IL20RA: variants seen among roughly 807,000 people sequenced by gnomAD.
The protein encoded by IL20RA is interleukin-20 receptor subunit alpha.
Under a neutral mutation model 36.5 loss-of-function variants are expected in IL20RA, and 29 were observed. The observed-to-expected ratio is 0.79, with a 90% confidence interval of 0.59 to 1.08. The LOEUF (loss-of-function observed/expected upper bound fraction) is 1.08, where lower values mean the gene tolerates loss of function less well. IL20RA is among the 50% of genes least tolerant of loss of function. The pLI, the probability that IL20RA is intolerant of heterozygous loss-of-function variation, is 0.00. For synonymous variants in IL20RA, 279 were observed against 267.1 expected, an observed-to-expected ratio of 1.04 and a Z score of -0.43; for missense variants, 652 against 668.4, an observed-to-expected ratio of 0.98 and a Z score of 0.27.
intron 1 of IL20RA, among the ~76,000 whole-genome samples, chr6:137,020,795 A>T (rs1412844965): frequency 6.6e-6 from 1 of 152,192 alleles, no homozygotes; most frequent in Non-Finnish European, 1.5e-5. Context: ...TATTTTGTAC[A>T]CTGCATCTGG....
At chr6:137,042,678 T>C (rs1000624953) in intron 1 of IL20RA, 6 of 152,204 alleles carry the variant, frequency 3.9e-5, no homozygotes, top group Admixed American at 3.9e-4. Context: ...TGAGTTTTTT[T>C]TTTCCTCTTT....
intron 3 of IL20RA, among the ~76,000 whole-genome samples, chr6:137,010,975 G>A (rs1039669899): frequency 1.3e-5 from 2 of 152,084 alleles, no homozygotes; most frequent in African/African-American, 4.8e-5. Context: ...GGTGGCTTAT[G>A]CCTGTAACCC....
chr6:137,002,502 A>G lies in IL20RA; in HGVS notation c.865-147T>C, dbSNP rs541314488. On this transcript the variant is annotated intron_variant, in intron 6 of 6. Coordinates refer to ENST00000316649, the MANE Select transcript of IL20RA (RefSeq NM_014432.4). Reference sequence around the variant, plus strand: ...AATGAAAGTTATGCTTGCAATATACAGAAAACCTCACTCACTGGGAGGCAA... The same window carrying G: ...AATGAAAGTTATGCTTGCAATATACGGAAAACCTCACTCACTGGGAGGCAA... 1.1e-4 allele frequency: 71 copies of G among 623,012 alleles called. No individual in the cohort carries two copies. The African/African-American group carries it at 1.1e-3, about 10-fold the overall frequency. 38.6% of individuals were successfully genotyped at this position (623,012 alleles called of 1,614,324 possible). A position where few individuals can be genotyped will look rare whatever the true frequency, so the allele number is the denominator to read the frequency against.
intron 5 of IL20RA, among the ~76,000 whole-genome samples, chr6:137,006,348 C>G (rs1366999094): frequency 6.6e-6 from 1 of 152,146 alleles, no homozygotes; most frequent in Non-Finnish European, 1.5e-5. Flanking sequence ...TGCTGTGATG[C>G]GGATGCTGCG....
chr6:137,009,351 T>C lies in IL20RA; in HGVS notation c.545A>G (p.Asn182Ser). 1.2e-6 allele frequency: 2 copies of C among 1,613,608 alleles called. No individual in the cohort carries two copies. The highest frequency in any genetic ancestry group is 1.7e-6 in the Non-Finnish European group (2 of 1,179,560). ...TGATTTAGTATTCAACACAGACACG[T>C]TATACTTCAGATTGGAGTATATTTG... ...MQQIYSNLKYNVSVLNTKSNR... is the reference protein window; with the variant it reads ...MQQIYSNLKYSVSVLNTKSNR... Residue 182 changes from asparagine to serine, a missense_variant, in exon 4 of 7, where the codon AAC (asparagine) becomes AGC (serine). Coordinates refer to ENST00000316649, the MANE Select transcript of IL20RA (RefSeq NM_014432.4).
intron 1 of IL20RA, among the ~76,000 whole-genome samples, chr6:137,019,683 G>T (rs1775830686): frequency 6.6e-6 from 1 of 152,128 alleles, no homozygotes; most frequent in Non-Finnish European, 1.5e-5. Context: ...CTTTGTAATT[G>T]TCTAAATGGT....
intron 5 of IL20RA, among the ~76,000 whole-genome samples, chr6:137,005,471 C>T (rs1775245983): frequency 6.6e-6 from 1 of 152,170 alleles, no homozygotes; most frequent in Non-Finnish European, 1.5e-5. Context: ...CCCTGGCCCA[C>T]ACCATTAATC....
Position 137,044,343 on chromosome 6 carries a change from G to A in IL20RA, c.88+298C>T, listed in dbSNP as rs1027217305. On this transcript the variant is annotated intron_variant, in intron 1 of 6. Transcript: ENST00000316649. ...TCATAGGCTGTGGGCACCGCGCAGA[G>A]CGCACCCCCCACCGAACTCCCCCCA... 26 of 1,065,552 alleles carry A rather than the reference G, an allele frequency of 2.4e-5. No homozygotes were observed. In the African/African-American group the frequency reaches 3.8e-4, roughly 16 times the overall value. The allele number at this position is 1,065,552 out of a possible 1,614,324, so 66.0% of individuals were successfully genotyped here.
intron 1 of IL20RA, among the ~76,000 whole-genome samples, chr6:137,041,809 T>C (rs1464701983): frequency 7.2e-6 from 1 of 139,760 alleles, no homozygotes; most frequent in Non-Finnish European, 1.6e-5. Context: ...CTGTTATTTT[T>C]TTTTAAATAT....
rs975112431 is a variant in IL20RA, at chr6:137,011,359, G to A, written c.318C>T (p.His106=). 1.2e-6 allele frequency: 2 copies of A among 1,613,510 alleles called. No individual in the cohort carries two copies. The highest frequency in any genetic ancestry group is 1.7e-6 in the Non-Finnish European group (2 of 1,179,468). Residue 106 remains histidine, a synonymous_variant, in exon 3 of 7, where the codon CAC becomes CAT. Transcript: ENST00000316649. ...TGGCCTTAACTTTGGCATAATACTGGTGTTCGTAGTCAGAAGTTTCAGCAG... is the reference window on the plus strand; with the variant it reads ...TGGCCTTAACTTTGGCATAATACTGATGTTCGTAGTCAGAAGTTTCAGCAG... ...DLSAETSDYE[H]QYYAKVKAIW...
intron 1 of IL20RA, among the ~76,000 whole-genome samples, chr6:137,024,193 C>T (rs905383119): frequency 6.6e-6 from 1 of 152,090 alleles, no homozygotes; most frequent in African/African-American, 2.4e-5. Context: ...AACTAGTATT[C>T]TCTTTAGTTT....
intron 6 of IL20RA, 37 bp from the exon 7 acceptor site, chr6:137,002,392 C>T: frequency 7.2e-7 from 1 of 1,398,294 alleles, no homozygotes; most frequent in Non-Finnish European, 9.8e-7. Context: ...CACCTTTTCA[C>T]TTTAGAGAGA....
chr6:137,029,949 A>AT (rs1776214205), intron 1 of IL20RA, among the ~76,000 whole-genome samples: 1 of 151,630 alleles, frequency 6.6e-6, no homozygotes. Flanking sequence ...GGTAAAAAAA[A>AT]ATGAGGCAGA....
At chr6:137,041,395 G>A (rs1342917930) in intron 1 of IL20RA, among the ~76,000 whole-genome samples, 1 of 152,188 alleles carries the variant, frequency 6.6e-6, no homozygotes, top group East Asian at 1.9e-4. Context: ...TACATAAGAT[G>A]TTTTAATTGG....
intron 1 of IL20RA, among the ~76,000 whole-genome samples, chr6:137,019,130 C>G (rs902402210): frequency 7.1e-6 from 1 of 140,718 alleles, no homozygotes; most frequent in Non-Finnish European, 1.6e-5. Context: ...TTCTATTTAT[C>G]TTTTTTTTTT....
At chr6:137,041,369 A>G (rs1442015415) in intron 1 of IL20RA, among the ~76,000 whole-genome samples, 1 of 152,238 alleles carries the variant, frequency 6.6e-6, no homozygotes, top group African/African-American at 2.4e-5. Context: ...TCCTGGTCTG[A>G]ACATTGTACA....
In IL20RA at chr6:137,001,660, T is replaced by C; in HGVS notation, c.1560A>G (p.Arg520=). The C allele has an allele frequency of 5.0e-6, 8 of 1,613,588 alleles. No individual in the cohort carries two copies. The highest frequency in any genetic ancestry group is 6.8e-6 in the Non-Finnish European group (8 of 1,179,900). The change falls in exon 7 of 7, where the codon AGA becomes AGG. Residue 520 remains arginine (R), a synonymous_variant. Transcript: ENST00000316649. ...DGLGEEGLLS[R]LYEEPAPDRP... is the part of the protein sequence containing the mutation. Reference sequence around the variant, plus strand: ...TGTCTGGAGCCGGCTCCTCATAGAGTCTAGATAGAAGACCCTCCTCTCCGA... The same window carrying C: ...TGTCTGGAGCCGGCTCCTCATAGAGCCTAGATAGAAGACCCTCCTCTCCGA...
At chr6:137,034,364 T>G (rs919529578) in intron 1 of IL20RA, among the ~76,000 whole-genome samples, 1 of 152,214 alleles carries the variant, frequency 6.6e-6, no homozygotes, top group Non-Finnish European at 1.5e-5. Flanking sequence ...TTTGCTAATA[T>G]TTAAATTTAA....
intron 1 of IL20RA, among the ~76,000 whole-genome samples, chr6:137,023,132 T>C (rs1775963759): frequency 6.6e-6 from 1 of 152,042 alleles, no homozygotes; most frequent in Non-Finnish European, 1.5e-5. Context: ...AGAGACATCA[T>C]TAAAAAGTAA....
Sources: gnomAD v4.1 joint callset for allele counts (sites outside exome capture counted in the v4.1 genomes callset) on GRCh38, gnomAD v4.1.1 for gene constraint, MANE v1.5 for transcripts, NCBI Gene and HGNC (gene_info 2026-07-23, HGNC 2026-07-21) for gene names.